ADAMTS12: variants seen among roughly 807,000 people sequenced by gnomAD.
ADAMTS12 encodes A disintegrin and metalloproteinase with thrombospondin motifs 12.
Under a neutral mutation model 167.8 loss-of-function variants are expected in ADAMTS12, and 118 were observed. The observed-to-expected ratio is 0.70, with a 90% CI of 0.61 to 0.82. ADAMTS12 has a LOEUF of 0.82. Among genes scored for constraint, ADAMTS12 ranks in the 40% least tolerant of loss-of-function variants. The pLI, the probability that ADAMTS12 is intolerant of heterozygous loss-of-function variation, is 0.00. For synonymous variants in ADAMTS12, 704 were observed against 716.9 expected (o/e 0.98, Z 0.29); for missense variants, 1,916 against 1,998.8 (o/e 0.96, Z 0.79).
chr5:33,531,456 C>T (rs1168698486), intron 23 of ADAMTS12, among the ~76,000 whole-genome samples: 2 of 152,156 alleles, frequency 1.3e-5, no homozygotes, highest in Non-Finnish European at 2.9e-5. Flanking sequence ...TCGCAGAAAT[C>T]AATAGATGTG....
chr5:33,796,873 A>G (rs574333985), intron 2 of ADAMTS12, among the ~76,000 whole-genome samples: 5 of 152,306 alleles, frequency 3.3e-5, no homozygotes, highest in African/African-American at 1.2e-4. Flanking sequence ...TGTGCTTTCA[A>G]ATGAGAGCTG....
chr5:33,618,470 T>A (rs1395589780), intron 14 of ADAMTS12, among the ~76,000 whole-genome samples: 1 of 152,254 alleles, frequency 6.6e-6, no homozygotes. Context: ...TTAGTTTCAG[T>A]GTCTGTATCA....
intron 3 of ADAMTS12, among the ~76,000 whole-genome samples, chr5:33,698,123 G>A (rs1006538957): frequency 2.0e-5 from 3 of 152,198 alleles, no homozygotes; most frequent in African/African-American, 4.8e-5. Context: ...AAGAATGAAC[G>A]TCTGGCTTTT....
intron 2 of ADAMTS12, among the ~76,000 whole-genome samples, chr5:33,809,406 C>T (rs1231185672): frequency 6.6e-6 from 1 of 152,160 alleles, no homozygotes; most frequent in Non-Finnish European, 1.5e-5. Context: ...TCTATTATTG[C>T]TAATGAGAAA....
intron 3 of ADAMTS12, among the ~76,000 whole-genome samples, chr5:33,707,788 A>C (rs908660994): frequency 6.6e-6 from 1 of 152,208 alleles, no homozygotes; most frequent in Non-Finnish European, 1.5e-5. Context: ...CTTACACTTT[A>C]TACAAAAATT....
intron 22 of ADAMTS12, among the ~76,000 whole-genome samples, chr5:33,536,215 C>T (rs1011622075): frequency 6.6e-6 from 1 of 152,174 alleles, no homozygotes; most frequent in African/African-American, 2.4e-5. Context: ...CGGCTCACTG[C>T]AACCTCCCTC....
At chr5:33,792,116 G>A (rs373725347) in intron 2 of ADAMTS12, among the ~76,000 whole-genome samples, 1 of 150,448 alleles carries the variant, frequency 6.6e-6, no homozygotes, top group Admixed American at 6.6e-5. Flanking sequence ...TCCTGCCCCA[G>A]GCTCCAGAGT....
chr5:33,696,895 G>A (rs1308506204), intron 3 of ADAMTS12, among the ~76,000 whole-genome samples: 1 of 152,070 alleles, frequency 6.6e-6, no homozygotes, highest in Non-Finnish European at 1.5e-5. Flanking sequence ...GCTTAATATG[G>A]TCAATGTGAA....
At chr5:33,763,531 T>G (rs902856827) in intron 2 of ADAMTS12, among the ~76,000 whole-genome samples, 5 of 152,198 alleles carry the variant, frequency 3.3e-5, no homozygotes, top group African/African-American at 1.2e-4. Flanking sequence ...TGTCACTTTG[T>G]GGTGATTTGT....
intron 2 of ADAMTS12, among the ~76,000 whole-genome samples, chr5:33,866,597 G>A (rs1192086122): frequency 6.6e-6 from 1 of 152,004 alleles, no homozygotes; most frequent in Non-Finnish European, 1.5e-5. Context: ...TATATCAGTA[G>A]GATCTAATTA....
At chr5:33,557,413 G>C (rs1561123974) in intron 20 of ADAMTS12, among the ~76,000 whole-genome samples, 1 of 152,160 alleles carries the variant, frequency 6.6e-6, no homozygotes, top group African/African-American at 2.4e-5. Context: ...CACAAAGAGA[G>C]CATAAAAGGC....
intron 13 of ADAMTS12, among the ~76,000 whole-genome samples, chr5:33,625,637 G>C (rs1739551884): frequency 6.6e-6 from 1 of 152,162 alleles, no homozygotes; most frequent in African/African-American, 2.4e-5. Context: ...TGAAGCCCAA[G>C]TCTTTTTTCT....
chr5:33,677,038 A>T (rs1471833093), intron 5 of ADAMTS12, among the ~76,000 whole-genome samples: 1 of 152,120 alleles, frequency 6.6e-6, no homozygotes, highest in Non-Finnish European at 1.5e-5. Flanking sequence ...GATGGGATTC[A>T]TTTGGCTTCA....
chr5:33,549,634 C>T (rs569218611), intron 20 of ADAMTS12, among the ~76,000 whole-genome samples: 85 of 152,340 alleles, frequency 5.6e-4, no homozygotes, highest in African/African-American at 1.8e-3. Context: ...CACTGAAGTA[C>T]GCTGAGCCTC....
intron 19 of ADAMTS12, among the ~76,000 whole-genome samples, chr5:33,574,833 A>G (rs893128950): frequency 2.0e-5 from 3 of 152,212 alleles, no homozygotes; most frequent in Non-Finnish European, 4.4e-5. Context: ...TGTTATTTTT[A>G]TATTAGCTGC....
At chr5:33,677,402 G>T (rs902026100) in intron 5 of ADAMTS12, among the ~76,000 whole-genome samples, 1 of 152,134 alleles carries the variant, frequency 6.6e-6, no homozygotes. Flanking sequence ...ACACAGACAA[G>T]TTAAACAACC....
At chr5:33,698,757 A>ATG (rs1465939662) in intron 3 of ADAMTS12, among the ~76,000 whole-genome samples, 1 of 151,834 alleles carries the variant, frequency 6.6e-6, no homozygotes, top group African/African-American at 2.4e-5. Context: ...GGCCAAGATG[A>ATG]TGAAACCCCG....
chr5:33,869,098 C>T (rs1304103386), intron 2 of ADAMTS12, among the ~76,000 whole-genome samples: 2 of 152,186 alleles, frequency 1.3e-5, no homozygotes, highest in East Asian at 3.9e-4. Context: ...TGCTCCATCA[C>T]AGACCCAGAG....
chr5:33,844,258 G>C (rs570780558), intron 2 of ADAMTS12, among the ~76,000 whole-genome samples: 1 of 152,314 alleles, frequency 6.6e-6, no homozygotes, highest in South Asian at 2.1e-4. Flanking sequence ...CAGGATAACA[G>C]CAGTGTTCAG....
Sources: gnomAD v4.1 joint callset for allele counts (sites outside exome capture counted in the v4.1 genomes callset) on GRCh38, gnomAD v4.1.1 for gene constraint, MANE v1.5 for transcripts, NCBI Gene and HGNC (gene_info 2026-07-23, HGNC 2026-07-21) for gene names.